The following LPP variants were observed in gnomAD, a reference collection of about 807,000 sequenced individuals.
The protein encoded by LPP is LIM domain containing preferred translocation partner in lipoma, also known as lipoma-preferred partner.
In LPP, 38 loss-of-function variants were observed where a neutral mutation model predicts 60.4. The ratio of observed to expected loss-of-function variants is 0.63; its 90% confidence interval spans 0.49 to 0.83. The LOEUF is 0.83. LPP is among the 40% of genes least tolerant of loss of function. LPP has a pLI of 0.00. For missense variants in LPP, 902 were observed against 783.6 expected (o/e 1.15, Z -1.80); for synonymous variants, 328 against 290.8 (o/e 1.13, Z -1.30).
chr3:188,790,441 T>C (rs1288809516), intron 9 of LPP, among the ~76,000 whole-genome samples: 1 of 152,136 alleles, frequency 6.6e-6, no homozygotes, highest in Non-Finnish European at 1.5e-5. Context: ...TGATTATCTC[T>C]GGAAAAGAGT....
intron 9 of LPP, among the ~76,000 whole-genome samples, chr3:188,826,006 C>T (rs1450804276): frequency 6.6e-6 from 1 of 152,072 alleles, no homozygotes; most frequent in Non-Finnish European, 1.5e-5. Context: ...TCTTTCCTCC[C>T]TCCGCCCCCT....
intron 7 of LPP, among the ~76,000 whole-genome samples, chr3:188,625,972 A>C (rs1171964396): frequency 6.6e-6 from 1 of 152,178 alleles, no homozygotes; most frequent in Non-Finnish European, 1.5e-5. Flanking sequence ...AATGGGCCTT[A>C]CCTATTTTAG....
chr3:188,377,727 A>T (rs1775584615), intron 3 of LPP, among the ~76,000 whole-genome samples: 1 of 152,162 alleles, frequency 6.6e-6, no homozygotes, highest in Non-Finnish European at 1.5e-5. Context: ...TTCTCCGTCC[A>T]GCTTTATTCC....
chr3:188,629,033 A>G (rs1163975994), intron 7 of LPP, among the ~76,000 whole-genome samples: 2 of 152,320 alleles, frequency 1.3e-5, no homozygotes, highest in South Asian at 2.1e-4. Flanking sequence ...GATGCAAAAA[A>G]GGGTTTTGGT....
At chr3:188,815,394 G>A (rs1752188110) in intron 9 of LPP, among the ~76,000 whole-genome samples, 1 of 152,164 alleles carries the variant, frequency 6.6e-6, no homozygotes, top group South Asian at 2.1e-4. Flanking sequence ...GGACTGTAGA[G>A]CCAGTTATAG....
At chr3:188,791,964 G>A (rs974357816) in intron 9 of LPP, among the ~76,000 whole-genome samples, 1 of 152,106 alleles carries the variant, frequency 6.6e-6, no homozygotes, top group Non-Finnish European at 1.5e-5. Flanking sequence ...CATAGTAGAT[G>A]CTCTATTAGT....
chr3:188,712,914 T>C (rs1712179624), intron 8 of LPP: 1 of 152,142 alleles, frequency 6.6e-6, no homozygotes, highest in South Asian at 2.1e-4. Flanking sequence ...GAATGATTCA[T>C]GAATATGTTA....
chr3:188,782,823 C>G (rs1235134867), intron 9 of LPP, among the ~76,000 whole-genome samples: 1 of 152,022 alleles, frequency 6.6e-6, no homozygotes, highest in Non-Finnish European at 1.5e-5. Flanking sequence ...ACCCCACCCA[C>G]AGCCTACATT....
chr3:188,407,834 A>G (rs1208651240), intron 4 of LPP, among the ~76,000 whole-genome samples: 1 of 115,316 alleles, frequency 8.7e-6, no homozygotes, highest in Non-Finnish European at 1.6e-5. Flanking sequence ...CTTGTTGCCC[A>G]GGCTGGAGTG....
intron 6 of LPP, among the ~76,000 whole-genome samples, chr3:188,599,715 C>T (rs191672350): frequency 6.0e-4 from 87 of 144,632 alleles, no homozygotes; most frequent in African/African-American, 2.2e-3. Flanking sequence ...TTTATGTGTG[C>T]ATCTCTCTGG....
chr3:188,475,392 G>A (rs1377171859), intron 4 of LPP, among the ~76,000 whole-genome samples: 3 of 152,234 alleles, frequency 2.0e-5, no homozygotes, highest in East Asian at 1.9e-4. Flanking sequence ...TAGATTCTGC[G>A]ATTCATTTTA....
chr3:188,213,613 C>T (rs1712181151), intron 1 of LPP, among the ~76,000 whole-genome samples: 1 of 152,106 alleles, frequency 6.6e-6, no homozygotes, highest in African/African-American at 2.4e-5. Flanking sequence ...GCTCAGATGC[C>T]TAGATTTGTT....
chr3:188,274,098 C>T (rs1738814021), intron 2 of LPP, among the ~76,000 whole-genome samples: 1 of 152,110 alleles, frequency 6.6e-6, no homozygotes, highest in Admixed American at 6.5e-5. Flanking sequence ...TTTCTTTTCT[C>T]TCTTCTCTTT....
At chr3:188,629,200 A>G (rs1452865789) in intron 7 of LPP, among the ~76,000 whole-genome samples, 1 of 152,154 alleles carries the variant, frequency 6.6e-6, no homozygotes, top group Non-Finnish European at 1.5e-5. Context: ...GAACAAGACA[A>G]GGATGCCCAC....
chr3:188,202,387 T>C (rs553052058), intron 1 of LPP, among the ~76,000 whole-genome samples: 1 of 152,232 alleles, frequency 6.6e-6, no homozygotes, highest in Admixed American at 6.5e-5. Flanking sequence ...CACATTGTGG[T>C]CAGGCAGCAG....
chr3:188,323,627 T>C (rs183505212), intron 2 of LPP, among the ~76,000 whole-genome samples: 1 of 152,216 alleles, frequency 6.6e-6, no homozygotes, highest in African/African-American at 2.4e-5. Flanking sequence ...ATTCTCCTTA[T>C]GTGGAAATAA....
intron 4 of LPP, among the ~76,000 whole-genome samples, chr3:188,470,161 T>C (rs540733775): frequency 1.3e-5 from 2 of 152,188 alleles, no homozygotes; most frequent in South Asian, 2.1e-4. Context: ...AGAGCTATTT[T>C]TTTATATATG....
At chr3:188,615,931 T>G (rs1844763142) in intron 7 of LPP, among the ~76,000 whole-genome samples, 1 of 152,090 alleles carries the variant, frequency 6.6e-6, no homozygotes. Flanking sequence ...TTTGATGAGG[T>G]TGTTTGTTTT....
At chr3:188,158,953 G>A (rs1309965091) in intron 1 of LPP, among the ~76,000 whole-genome samples, 48 of 152,192 alleles carry the variant, frequency 3.2e-4, no homozygotes, top group Admixed American at 3.1e-3. Flanking sequence ...CACTGGTGCT[G>A]TTCTAGCCCC....
Sources: allele counts gnomAD v4.1 joint callset (sites outside exome capture counted in the v4.1 genomes callset), GRCh38; gene constraint gnomAD v4.1.1; transcripts MANE v1.5; gene names NCBI Gene and HGNC (gene_info 2026-07-23, HGNC 2026-07-21).